Variants in IL31RA observed in about 807,000 individuals in gnomAD.
IL31RA encodes the protein interleukin-31 receptor subunit alpha.
A neutral mutation model predicts 83.7 loss-of-function variants in IL31RA; 66 were observed. That is an observed-to-expected ratio of 0.79 (90% CI 0.65 to 0.97). The LOEUF is 0.97. Among genes scored for constraint, IL31RA ranks in the 50% least tolerant of loss-of-function variants. The pLI is 0.00. For synonymous variants in IL31RA, 325 were observed against 329.0 expected (o/e 0.99, Z 0.13); for missense variants, 798 against 919.4 (o/e 0.87, Z 1.71).
At chr5:55,893,052 G>T (rs1004475588) in intron 6 of IL31RA, among the ~76,000 whole-genome samples, 4 of 152,054 alleles carry the variant, frequency 2.6e-5, no homozygotes, top group African/African-American at 9.7e-5. Context: ...CTCTCTAATT[G>T]TTTCAAAACA....
chr5:55,889,123 T>C (rs542313174), intron 5 of IL31RA, among the ~76,000 whole-genome samples: 1 of 152,308 alleles, frequency 6.6e-6, no homozygotes, highest in East Asian at 1.9e-4. Flanking sequence ...TTATAAACTT[T>C]AGGTTTATAA....
At chr5:55,855,315 A>AT in intron 1 of IL31RA, among the ~76,000 whole-genome samples, 1 of 91,816 alleles carries the variant, frequency 1.1e-5, no homozygotes, top group Non-Finnish European at 2.8e-5. Context: ...AGATAATTTA[A>AT]AATATATATA....
intron 2 of IL31RA, among the ~76,000 whole-genome samples, chr5:55,865,979 T>A (rs1746022772): frequency 6.6e-6 from 1 of 152,220 alleles, no homozygotes; most frequent in Non-Finnish European, 1.5e-5. Context: ...CTGATCCCCC[T>A]CTGCCATCTG....
chr5:55,891,761 ATTTTTTTTTTTTTTTT>A (rs35672011), intron 6 of IL31RA, among the ~76,000 whole-genome samples: 11 of 60,032 alleles, frequency 1.8e-4, no homozygotes, highest in East Asian at 6.0e-4. Flanking sequence ...TTTGGACAAG[ATTTTTTTTTTTTTTTT>A]TTTTTTTTTT....
chr5:55,855,062 C>A (rs1745274898), intron 1 of IL31RA, among the ~76,000 whole-genome samples: 1 of 152,068 alleles, frequency 6.6e-6, no homozygotes. Context: ...CGCTTGACTA[C>A]CTCCCTCTCA....
Position 55,867,089 on chromosome 5 carries a change from GTGTGTGTGTTTGTGTGTGTGTGCA to G in IL31RA, c.155-1668_155-1645del, listed in dbSNP as rs1372196416. 1.3e-4 allele frequency among the ~76,000 whole-genome samples: 11 copies of G among 84,314 alleles called. 2 individuals carry two copies. The highest frequency in any genetic ancestry group is 2.7e-4 in the Non-Finnish European group (9 of 32,958). 55.3% of individuals were successfully genotyped at this position (84,314 alleles called of 152,430 possible). A position where few individuals can be genotyped will look rare whatever the true frequency, so the allele number is the denominator to read the frequency against. On this transcript the variant is annotated intron_variant, in intron 2 of 14. Transcript: ENST00000652347. Reference sequence around the variant, plus strand: ...TTCTTAGTTGTGCATGTGTGTTTGTGTGTGTGTGTTTGTGTGTGTGTGCATGTGTGTGTTTGTGTGTGTGTGCAT... The same window carrying G: ...TTCTTAGTTGTGCATGTGTGTTTGTGTGTGTGTGTTTGTGTGTGTGTGCAT...
chr5:55,842,413 A>G, the IL31RA span, among the ~76,000 whole-genome samples: 1 of 152,318 alleles, frequency 6.6e-6, no homozygotes, highest in Admixed American at 6.5e-5. Flanking sequence ...TGAGAGGTAT[A>G]GTCAAAGGCT....
At chr5:55,860,866 C>T (rs746433951) in intron 2 of IL31RA, among the ~76,000 whole-genome samples, 6 of 152,122 alleles carry the variant, frequency 3.9e-5, no homozygotes, top group South Asian at 2.1e-4. Flanking sequence ...TATTTTCTCA[C>T]GGTTCTGGAG....
rs879929543 is a variant in IL31RA at position 55,922,731 on chromosome 5, GCTATACTTCTATACTATTTTCATGTAATA to G, written c.*5683_*5711del. ...AGCCATAATACCATTTTCATGTAATGCTATACTTCTATACTATTTTCATGTAATACTATACTTCTATACTATTTTCATGT... is the reference window on the plus strand; with the variant it reads ...AGCCATAATACCATTTTCATGTAATGCTATACTTCTATACTATTTTCATGT... On this transcript the variant is annotated 3_prime_UTR_variant, in exon 15 of 15. Transcript: ENST00000652347. 186 of 407,494 alleles carry G rather than the reference GCTATACTTCTATACTATTTTCATGTAATA, an allele frequency of 4.6e-4. No individual in the cohort carries two copies. Among genetic ancestry groups the G allele is most frequent in the Non-Finnish European group, 5.7e-4 (131 of 228,514 alleles). 25.2% of individuals were successfully genotyped at this position (407,494 alleles called of 1,614,324 possible).
At chr5:55,857,221 C>T (rs1351016692) in intron 1 of IL31RA, among the ~76,000 whole-genome samples, 2 of 152,096 alleles carry the variant, frequency 1.3e-5, no homozygotes, top group Admixed American at 6.6e-5. Context: ...ATCTTAGCCT[C>T]CCAAATAGCT....
intron 4 of IL31RA, among the ~76,000 whole-genome samples, chr5:55,881,873 C>T (rs980218592): frequency 1.1e-4 from 16 of 151,698 alleles, no homozygotes; most frequent in South Asian, 4.2e-4. Context: ...CCACCATGCC[C>T]GGCTAATTTT....
chr5:55,842,987 A>G, the IL31RA span, among the ~76,000 whole-genome samples: 1 of 152,144 alleles, frequency 6.6e-6, no homozygotes, highest in Non-Finnish European at 1.5e-5. Context: ...AGCCCTCATC[A>G]GCATACTTCT....
rs544137207 is a variant in IL31RA, at chr5:55,913,374, A to G, written c.1643-103A>G. The stretch of plus-strand genomic sequence containing the variant: ...TGAATTTAACTGAAAGAAAACTAAT[A>G]AGACATTGTGTTGCTGAAGCTACTA... On this transcript the variant is annotated intron_variant, in intron 12 of 14. Transcript: ENST00000652347. The G allele has an allele frequency of 1.3e-5, 10 of 789,486 alleles. No homozygotes were observed. In the African/African-American group the frequency reaches 1.4e-4, roughly 11 times the overall value. 48.9% of individuals were successfully genotyped at this position (789,486 alleles called of 1,614,324 possible).
Position 55,920,510 on chromosome 5 carries a change from C to T in IL31RA, c.*3390C>T, listed in dbSNP as rs376942048. On this transcript the variant is annotated 3_prime_UTR_variant, in exon 15 of 15. Coordinates refer to ENST00000652347, the MANE Select transcript of IL31RA (RefSeq NM_139017.7). ...GTAATTGGAACACAGCCATGCCCATCGTTGACCTATTCCCTATGGCGGCTT... is the reference window on the plus strand; with the variant it reads ...GTAATTGGAACACAGCCATGCCCATTGTTGACCTATTCCCTATGGCGGCTT... Among the ~76,000 whole-genome samples the T allele has an allele frequency of 6.6e-5, 10 of 152,254 alleles. No homozygotes were observed. Among genetic ancestry groups the T allele is most frequent in the Non-Finnish European group, 1.2e-4 (8 of 68,042 alleles).
intron 7 of IL31RA, among the ~76,000 whole-genome samples, chr5:55,898,412 TAATAGTGATAGTTGCATG>T (rs1748572132): frequency 7.1e-6 from 1 of 141,028 alleles, no homozygotes. Flanking sequence ...TAAAATTAAA[TAATAGTGATAGTTGCATG>T]ACTGAACATA....
chr5:55,913,685 T>G (rs1202802547), intron 13 of IL31RA, 115 bp downstream of exon 13: 1 of 751,712 alleles, frequency 1.3e-6, no homozygotes, highest in East Asian at 2.5e-5. Flanking sequence ...TTCATTCATT[T>G]ATTAACTTGG....
intron 6 of IL31RA, among the ~76,000 whole-genome samples, chr5:55,892,389 G>T (rs1748059376): frequency 6.6e-6 from 1 of 152,036 alleles, no homozygotes; most frequent in Non-Finnish European, 1.5e-5. Context: ...ATAACATCTG[G>T]GGTCAACTTC....
intron 10 of IL31RA, among the ~76,000 whole-genome samples, 171 bp from the exon 11 acceptor site, chr5:55,908,094 G>T (rs1580738694): frequency 6.6e-6 from 1 of 152,170 alleles, no homozygotes; most frequent in South Asian, 2.1e-4. Flanking sequence ...AAGAGAGATG[G>T]TTCTAGAAAA....
intron 6 of IL31RA, among the ~76,000 whole-genome samples, chr5:55,895,829 G>T (rs547589903): frequency 6.6e-6 from 1 of 152,184 alleles, no homozygotes; most frequent in Non-Finnish European, 1.5e-5. Context: ...GAAAACCAGC[G>T]TTAAATTTAG....
Sources: gnomAD v4.1 joint callset for allele counts (sites outside exome capture counted in the v4.1 genomes callset) on GRCh38, gnomAD v4.1.1 for gene constraint, MANE v1.5 for transcripts, NCBI Gene and HGNC (gene_info 2026-07-23, HGNC 2026-07-21) for gene names.